The following SHROOM4 variants were observed in gnomAD, a reference collection of about 807,000 sequenced individuals.
SHROOM4 encodes shroom family member 4.
SHROOM4 carries 17 observed loss-of-function variants against 80.3 expected under a neutral mutation model. The ratio of observed to expected loss-of-function variants is 0.21; its 90% CI spans 0.14 to 0.32. The LOEUF (loss-of-function observed/expected upper bound fraction) is 0.32, where lower values mean the gene tolerates loss of function less well. SHROOM4 is among the 10% of genes least tolerant of loss of function. The pLI is 1.00. For synonymous variants in SHROOM4, 400 were observed against 437.5 expected (o/e 0.91, Z 1.07); for missense variants, 993 against 1,140.3 (o/e 0.87, Z 1.86).
intron 1 of SHROOM4, among the ~76,000 whole-genome samples, chrX:50,783,872 G>T (rs782588418): frequency 2.1e-4 from 24 of 111,817 alleles, no homozygotes; most frequent in African/African-American, 7.2e-4. Flanking sequence ...CACCGTGCCC[G>T]GCCAGATTCT....
At chrX:50,669,911 C>T (rs1206194680) in intron 2 of SHROOM4, among the ~76,000 whole-genome samples, 1 of 111,100 alleles carries the variant, frequency 9.0e-6, no homozygotes, top group African/African-American at 3.3e-5. Flanking sequence ...CCCTCAAAGT[C>T]ATTTATGAGG....
intron 2 of SHROOM4, among the ~76,000 whole-genome samples, chrX:50,665,648 T>C (rs993317523): frequency 9.1e-6 from 1 of 110,125 alleles, no homozygotes; most frequent in Non-Finnish European, 1.9e-5. Flanking sequence ...AGTGGACATG[T>C]CAGTTACTTC....
Position 50,598,540 on chromosome X carries a change from G to T in SHROOM4, c.3943-5C>A. 1 of 1,202,521 alleles carries T rather than the reference G, an allele frequency of 8.3e-7. No individual in the cohort carries two copies. Among genetic ancestry groups the T allele is most frequent in the East Asian group, 3.0e-5 (1 of 33,504 alleles). ...GATGCTTTCGATAAGCTGTATCTAG[G>T]GGAATTAAACAGGAGAAGACAAAGG... On this transcript the variant is annotated splice_polypyrimidine_tract_variant and splice_region_variant and intron_variant, in intron 7 of 8. Transcript: ENST00000376020.
At chrX:50,623,789 A>G (rs1454043458) in intron 5 of SHROOM4, among the ~76,000 whole-genome samples, 1 of 112,416 alleles carries the variant, frequency 8.9e-6, no homozygotes, top group East Asian at 2.8e-4. Flanking sequence ...CCATTAGTGG[A>G]AGGACTAGTA....
intron 1 of SHROOM4, among the ~76,000 whole-genome samples, chrX:50,740,733 G>T (rs1934635654): frequency 8.9e-6 from 1 of 111,776 alleles, no homozygotes; most frequent in Non-Finnish European, 1.9e-5. Context: ...TAAAACAATT[G>T]AAATTATAGA....
At chrX:50,741,057 C>T (rs1228472862) in intron 1 of SHROOM4, among the ~76,000 whole-genome samples, 1 of 111,731 alleles carries the variant, frequency 9.0e-6, no homozygotes, top group Non-Finnish European at 1.9e-5. Context: ...GTCCTTTCTT[C>T]ATTGTATGTC....
chrX:50,792,360 G>A (rs2147704001), intron 1 of SHROOM4, among the ~76,000 whole-genome samples: 1 of 110,622 alleles, frequency 9.0e-6, no homozygotes, highest in Non-Finnish European at 1.9e-5. Flanking sequence ...AAGAAAATTA[G>A]CCAAGTGTGG....
chrX:50,658,064 TC>T (rs1234100725), intron 2 of SHROOM4, among the ~76,000 whole-genome samples: 2 of 111,953 alleles, frequency 1.8e-5, no homozygotes, highest in Admixed American at 1.9e-4. Flanking sequence ...CCCTTTGCTT[TC>T]CTTCTATGTG....
chrX:50,679,020 A>G (rs1205595410), intron 2 of SHROOM4, among the ~76,000 whole-genome samples: 2 of 111,418 alleles, frequency 1.8e-5, no homozygotes, highest in African/African-American at 6.5e-5. Flanking sequence ...GTCTTTTTTC[A>G]ATATTCATCC....
chrX:50,760,338 T>TC (rs2147624460), intron 1 of SHROOM4, among the ~76,000 whole-genome samples: 1 of 106,019 alleles, frequency 9.4e-6, no homozygotes, highest in African/African-American at 3.4e-5. Flanking sequence ...GTAACTTTTT[T>TC]TTTTTTTTTT....
At chrX:50,733,570 C>T (rs1190324632) in intron 1 of SHROOM4, among the ~76,000 whole-genome samples, 12 of 111,920 alleles carry the variant, frequency 1.1e-4, no homozygotes, top group African/African-American at 2.9e-4. Flanking sequence ...CAATCTTGAA[C>T]TTCCCAGCCT....
intron 2 of SHROOM4, among the ~76,000 whole-genome samples, chrX:50,661,896 G>T (rs782333679): frequency 9.0e-6 from 1 of 111,311 alleles, no homozygotes; most frequent in African/African-American, 3.3e-5. Context: ...GGAGTCATCA[G>T]TGGTACCTGA....
the SHROOM4 span, among the ~76,000 whole-genome samples, chrX:50,576,887 T>A: frequency 8.9e-6 from 1 of 111,948 alleles, no homozygotes; most frequent in South Asian, 3.7e-4. Context: ...TTTATAATTT[T>A]CTCAAATATT....
intron 5 of SHROOM4, among the ~76,000 whole-genome samples, chrX:50,611,144 CTTTTTTTTTT>C (rs782473243): frequency 1.0e-4 from 7 of 68,209 alleles, no homozygotes; most frequent in African/African-American, 3.1e-4. Flanking sequence ...TTCTTTTTTT[CTTTTTTTTTT>C]TTTTTTTTTT....
chrX:50,733,732 C>T (rs781949309), intron 1 of SHROOM4, among the ~76,000 whole-genome samples: 1 of 112,064 alleles, frequency 8.9e-6, no homozygotes, highest in Non-Finnish European at 1.9e-5. Flanking sequence ...TGTCCACTTT[C>T]GTCAAATCCA....
intron 1 of SHROOM4, among the ~76,000 whole-genome samples, chrX:50,716,039 C>A (rs1190460657): frequency 9.1e-6 from 1 of 110,279 alleles, no homozygotes; most frequent in Non-Finnish European, 1.9e-5. Flanking sequence ...TGAAGGAAAT[C>A]CCATCATTTG....
intron 1 of SHROOM4, among the ~76,000 whole-genome samples, chrX:50,765,904 C>T (rs1270472925): frequency 1.8e-5 from 2 of 111,762 alleles, no homozygotes; most frequent in African/African-American, 6.5e-5. Flanking sequence ...GACTCAATCT[C>T]CACTGTTCCC....
At chrX:50,580,849 C>T in the SHROOM4 span, among the ~76,000 whole-genome samples, 1 of 112,270 alleles carries the variant, frequency 8.9e-6, no homozygotes, top group Non-Finnish European at 1.9e-5. Context: ...TAGGTTATTT[C>T]CAAATTTTCA....
rs1929222636 is a variant in SHROOM4, at chrX:50,598,355, C to T, written c.4123G>A (p.Val1375Met). 1 of 1,209,353 alleles carries T rather than the reference C, an allele frequency of 8.3e-7. No individual in the cohort carries two copies. The highest frequency in any genetic ancestry group is 1.8e-5 in the African/African-American group (1 of 56,981). Reference protein sequence around the residue: ...YHLFVGDLDKVVNLLLSLSGR... With the variant: ...YHLFVGDLDKMVNLLLSLSGR... ...GAGAGTGACAGCAACAGGTTGACCA[C>T]TTTGTCCAGGTCCCCAACAAACAAG... Residue 1375 changes from valine (V) to methionine (M), a missense_variant, in exon 8 of 9, where the codon GTG becomes ATG. Val to Met is a conservative substitution (Grantham distance 21, BLOSUM62 1). Coordinates refer to ENST00000376020, the MANE Select transcript of SHROOM4 (RefSeq NM_020717.5).
Sources: allele counts gnomAD v4.1 joint callset (sites outside exome capture counted in the v4.1 genomes callset), GRCh38; gene constraint gnomAD v4.1.1; transcripts MANE v1.5; gene names NCBI Gene and HGNC (gene_info 2026-07-23, HGNC 2026-07-21).